The following MAF variants were observed in gnomAD, a reference collection of about 807,000 sequenced individuals.
The protein encoded by MAF is transcription factor Maf.
In MAF, 10 loss-of-function variants were observed where a neutral mutation model predicts 22.0. That is an observed-to-expected ratio of 0.45 (90% CI 0.28 to 0.77). The LOEUF (loss-of-function observed/expected upper bound fraction) is 0.77, where lower values mean the gene tolerates loss of function less well. Ranked by LOEUF, MAF falls within the 30% of genes least tolerant of loss-of-function variation. The pLI is 0.12. For missense variants in MAF, 544 were observed against 548.4 expected (o/e 0.99, Z 0.08); for synonymous variants, 337 against 255.8 (o/e 1.32, Z -3.03).
chr16:79,290,236 G>C, the MAF span, among the ~76,000 whole-genome samples: 7 of 152,170 alleles, frequency 4.6e-5, no homozygotes, highest in African/African-American at 1.4e-4. Flanking sequence ...GTTGTCTCCT[G>C]GGAGGCTTAG....
the MAF span, among the ~76,000 whole-genome samples, chr16:79,281,568 G>A: frequency 1.2e-3 from 45 of 37,588 alleles, no homozygotes; most frequent in South Asian, 4.4e-3. Flanking sequence ...TTTTTTTTTT[G>A]AGAGGGAGTC....
the MAF span, among the ~76,000 whole-genome samples, chr16:79,534,843 G>A: frequency 6.6e-6 from 1 of 152,262 alleles, no homozygotes; most frequent in South Asian, 2.1e-4. Flanking sequence ...AAGCAGATTT[G>A]GAAAGAAACA....
chr16:79,286,546 G>GT, the MAF span, among the ~76,000 whole-genome samples: 14 of 152,146 alleles, frequency 9.2e-5, no homozygotes, highest in African/African-American at 3.4e-4. Flanking sequence ...GCATGCACAC[G>GT]TGTATATGTG....
At chr16:79,471,522 C>T in the MAF span, among the ~76,000 whole-genome samples, 1 of 152,158 alleles carries the variant, frequency 6.6e-6, no homozygotes, top group Non-Finnish European at 1.5e-5. Flanking sequence ...AAAAAACCCA[C>T]AAAAATTAGT....
At chr16:79,262,569 T>A in the MAF span, among the ~76,000 whole-genome samples, 1 of 152,022 alleles carries the variant, frequency 6.6e-6, no homozygotes. Context: ...CGCAAAGGCA[T>A]GGAGGTGTGA....
At chr16:79,337,944 G>A in the MAF span, among the ~76,000 whole-genome samples, 618 of 152,252 alleles carry the variant, frequency 4.1e-3, 2 homozygotes, top group African/African-American at 0.01. Context: ...CTTAGCAGCC[G>A]TTCATTCCTT....
At chr16:79,453,565 T>C in the MAF span, among the ~76,000 whole-genome samples, 1 of 152,176 alleles carries the variant, frequency 6.6e-6, no homozygotes, top group Non-Finnish European at 1.5e-5. Flanking sequence ...AAAAACAGAA[T>C]AGCTAGAAAA....
the MAF span, among the ~76,000 whole-genome samples, chr16:79,305,768 G>A: frequency 1.3e-5 from 2 of 152,202 alleles, no homozygotes; most frequent in Admixed American, 6.5e-5. Flanking sequence ...AAAGGTCAAT[G>A]GGGGATGCAC....
chr16:79,576,768 G>C, the MAF span, among the ~76,000 whole-genome samples: 17 of 152,070 alleles, frequency 1.1e-4, no homozygotes. Flanking sequence ...CCCTGTGCCA[G>C]GTGCTTTACA....
chr16:79,541,675 T>A, the MAF span, among the ~76,000 whole-genome samples: 1 of 148,882 alleles, frequency 6.7e-6, no homozygotes, highest in South Asian at 2.2e-4. Context: ...TTTTTTTTTT[T>A]TTTTTTTGAG....
At chr16:79,417,979 T>A in the MAF span, among the ~76,000 whole-genome samples, 2 of 152,148 alleles carry the variant, frequency 1.3e-5, no homozygotes, top group Non-Finnish European at 2.9e-5. Flanking sequence ...TATGTGTGAG[T>A]GTTTTCCTCC....
chr16:79,425,329 G>C, the MAF span, among the ~76,000 whole-genome samples: 3 of 151,780 alleles, frequency 2.0e-5, no homozygotes, highest in Non-Finnish European at 4.4e-5. Context: ...ATTCCCTTGG[G>C]CTTTATGCTA....
At chr16:79,391,840 G>A in the MAF span, among the ~76,000 whole-genome samples, 1 of 149,352 alleles carries the variant, frequency 6.7e-6, no homozygotes, top group Admixed American at 6.7e-5. Context: ...ATGGGAGAAA[G>A]TGGGGGAAAG....
chr16:79,537,159 G>A, the MAF span, among the ~76,000 whole-genome samples: 1 of 152,102 alleles, frequency 6.6e-6, no homozygotes, highest in Non-Finnish European at 1.5e-5. Flanking sequence ...TGATAAAGTG[G>A]GTCATTTGGT....
chr16:79,209,642 T>G, the MAF span, among the ~76,000 whole-genome samples: 24 of 152,176 alleles, frequency 1.6e-4, no homozygotes, highest in Admixed American at 1.4e-3. Context: ...GACAGATATC[T>G]GGAAGTTGAT....
chr16:79,310,358 C>CGAGA, the MAF span, among the ~76,000 whole-genome samples: 1 of 151,482 alleles, frequency 6.6e-6, no homozygotes, highest in Non-Finnish European at 1.5e-5. Flanking sequence ...CTGTTTCGGA[C>CGAGA]GAGAGAGAGA....
At chr16:79,279,430 T>C in the MAF span, among the ~76,000 whole-genome samples, 1 of 152,190 alleles carries the variant, frequency 6.6e-6, no homozygotes, top group African/African-American at 2.4e-5. Context: ...TTTCATTCTG[T>C]TCCATGAACG....
the MAF span, among the ~76,000 whole-genome samples, chr16:79,385,518 C>T: frequency 6.6e-6 from 1 of 152,184 alleles, no homozygotes; most frequent in African/African-American, 2.4e-5. Flanking sequence ...TTAACGTACG[C>T]AAGCATGCGT....
chr16:79,420,006 T>TA, the MAF span, among the ~76,000 whole-genome samples: 1 of 151,108 alleles, frequency 6.6e-6, no homozygotes. Context: ...AACACACGGT[T>TA]TTTTTTTTTC....
Sources: gnomAD v4.1 joint callset for allele counts (sites outside exome capture counted in the v4.1 genomes callset) on GRCh38, gnomAD v4.1.1 for gene constraint, MANE v1.5 for transcripts, NCBI Gene and HGNC (gene_info 2026-07-23, HGNC 2026-07-21) for gene names.